Variants in PLEKHM1 observed in about 807,000 individuals in gnomAD.
PLEKHM1 encodes pleckstrin homology domain-containing family M member 1.
Under a neutral mutation model 94.3 loss-of-function variants are expected in PLEKHM1, and 28 were observed. That is an observed-to-expected ratio of 0.30 (90% CI 0.22 to 0.41). PLEKHM1 has a LOEUF of 0.41. Ranked by LOEUF, PLEKHM1 falls within the 10% of genes least tolerant of loss-of-function variation. The pLI is 1.00. For missense variants in PLEKHM1, 907 were observed against 1,358.6 expected, an observed-to-expected ratio of 0.67 and a Z score of 5.22; for synonymous variants, 424 against 581.2, an observed-to-expected ratio of 0.73 and a Z score of 3.89.
chr17:45,484,088 G>A (rs1384381861), intron 1 of PLEKHM1, among the ~76,000 whole-genome samples: 2 of 152,236 alleles, frequency 1.3e-5, no homozygotes, highest in East Asian at 1.9e-4. Context: ...AAGACTGACA[G>A]AACAGACTCT....
In PLEKHM1 at chr17:45,440,196, A is replaced by C; in HGVS notation, c.2868T>G (p.Ser956=). ...RLNHRNYLLE[S]PHRFSVADLQ... is the part of the protein sequence containing the mutation. Reference sequence around the variant, plus strand: ...GGTCAGCAACACTGAACCTATGCGGAGATTCCAAGAGATAATTCCTGTGGT... The same window carrying C: ...GGTCAGCAACACTGAACCTATGCGGCGATTCCAAGAGATAATTCCTGTGGT... The change falls in exon 10 of 12, where the codon TCT becomes TCG. Residue 956 remains serine, a synonymous_variant. Transcript: ENST00000430334. The C allele has an allele frequency of 6.2e-7, 1 of 1,614,206 alleles. No individual in the cohort carries two copies. The highest frequency in any genetic ancestry group is 1.1e-5 in the South Asian group (1 of 91,092).
At chr17:45,472,243 C>A (rs1314039106) in intron 4 of PLEKHM1, among the ~76,000 whole-genome samples, 3 of 149,962 alleles carry the variant, frequency 2.0e-5, no homozygotes, top group Non-Finnish European at 4.4e-5. Context: ...AACTTCAAGG[C>A]CCAGCTCTAT....
At chr17:45,456,091 C>T (rs956693969) in intron 6 of PLEKHM1, among the ~76,000 whole-genome samples, 3 of 152,174 alleles carry the variant, frequency 2.0e-5, no homozygotes, top group Non-Finnish European at 4.4e-5. Flanking sequence ...TCCCTCTCTC[C>T]CCTTGCATCT....
intron 8 of PLEKHM1, among the ~76,000 whole-genome samples, chr17:45,446,431 T>G (rs2050609189): frequency 6.6e-6 from 1 of 152,196 alleles, no homozygotes; most frequent in Non-Finnish European, 1.5e-5. Flanking sequence ...ACAACCTGCC[T>G]GCAGAACCTG....
At position 45,436,608 on chromosome 17, in the gene PLEKHM1, C is replaced by T; in HGVS notation, c.*1250G>A. The T allele has an allele frequency of 2.2e-6, 1 of 453,938 alleles. No homozygotes were observed. The highest frequency in any genetic ancestry group is 4.4e-6 in the Non-Finnish European group (1 of 226,598). 28.1% of individuals were successfully genotyped at this position (453,938 alleles called of 1,614,324 possible). A position where few individuals can be genotyped will look rare whatever the true frequency, so the allele number is the denominator to read the frequency against. On this transcript the variant is annotated 3_prime_UTR_variant, in exon 12 of 12. Coordinates refer to ENST00000430334, the MANE Select transcript of PLEKHM1 (RefSeq NM_014798.3). ...AAGGCGACAGAGAGACCAGCAAACC[C>T]ACATTTCCCCGAAGCCTGGAGGGTC...
At position 45,453,857 on chromosome 17, in the gene PLEKHM1, C is replaced by G. The variant is rs374996512; in HGVS notation, c.1995G>C (p.Ala665=). 3.1e-6 allele frequency: 5 copies of G among 1,613,830 alleles called. No homozygotes were observed. Among genetic ancestry groups the G allele is most frequent in the East Asian group, 2.2e-5 (1 of 44,894 alleles). ...LSPSDLLSEP[A]ALQGTQFDWS... is the part of the protein sequence containing the mutation. ...AGTCAAACTGTGTGCCCTGGAGGGCCGCGGGCTCCGAGAGCAGGTCTGAGG... is the reference window on the plus strand; with the variant it reads ...AGTCAAACTGTGTGCCCTGGAGGGCGGCGGGCTCCGAGAGCAGGTCTGAGG... The change falls in exon 7 of 12, where the codon GCG becomes GCC. Residue 665 remains alanine, a synonymous_variant. Coordinates refer to ENST00000430334, the MANE Select transcript of PLEKHM1 (RefSeq NM_014798.3). The surrounding 1 kb of genome is among the most constrained non-coding windows in gnomAD (Gnocchi z 4.1).
At chr17:45,480,216 C>G (rs1349997487) in intron 2 of PLEKHM1, among the ~76,000 whole-genome samples, 1 of 152,240 alleles carries the variant, frequency 6.6e-6, no homozygotes, top group South Asian at 2.1e-4. Context: ...GGCACAGTGG[C>G]TCACGCCTAT....
intron 4 of PLEKHM1, among the ~76,000 whole-genome samples, chr17:45,473,518 T>C (rs970441191): frequency 1.2e-4 from 18 of 151,884 alleles, no homozygotes; most frequent in African/African-American, 3.6e-4. Context: ...ACTGCCTTTG[T>C]AGGAGAGAAA....
In PLEKHM1 at chr17:45,454,108, A is replaced by G; in HGVS notation, c.1744T>C (p.Cys582Arg). ...CTATGGGCTGGCCCCACAGACTCAC[A>G]GCGAAGCAGCGAGCAGTTCTCCACA... ...TCVENCSLLRCESVGPAHSDG... is the reference protein window; with the variant it reads ...TCVENCSLLRRESVGPAHSDG... Residue 582 changes from cysteine (C) to arginine (R), a missense_variant, in exon 7 of 12, where the codon TGT becomes CGT. Transcript: ENST00000430334. 1.2e-6 allele frequency: 2 copies of G among 1,614,204 alleles called. No homozygotes were observed. The highest frequency in any genetic ancestry group is 1.7e-6 in the Non-Finnish European group (2 of 1,180,046).
Position 45,453,967 on chromosome 17 carries a change from G to C in PLEKHM1, c.1885C>G (p.Pro629Ala), listed in dbSNP as rs753073455. The C allele has an allele frequency of 6.2e-7, 1 of 1,613,930 alleles. No individual in the cohort carries two copies. The highest frequency in any genetic ancestry group is 1.7e-5 in the Admixed American group (1 of 60,016). Residue 629 changes from proline (P) to alanine (A), a missense_variant, in exon 7 of 12, where the codon CCT becomes GCT. By Grantham distance (27) the Pro-to-Ala change is conservative (BLOSUM62 -1). Transcript: ENST00000430334. The surrounding 1 kb of genome is among the most constrained non-coding windows in gnomAD (Gnocchi z 4.1). Reference protein sequence around the residue: ...RVREALQKVRPQQEDEWVNVQ... With the variant: ...RVREALQKVRAQQEDEWVNVQ... ...TTCACCCACTCATCCTCCTGCTGAGGCCGGACCTTCTGCAGGGCCTCCCGC... is the reference window on the plus strand; with the variant it reads ...TTCACCCACTCATCCTCCTGCTGAGCCCGGACCTTCTGCAGGGCCTCCCGC...
intron 3 of PLEKHM1, 90 bp downstream of exon 3, chr17:45,477,810 T>C: frequency 1.3e-6 from 2 of 1,506,546 alleles, no homozygotes; most frequent in Non-Finnish European, 1.8e-6. Context: ...GGCACCTCTG[T>C]TGGCTTCCTG....
downstream of PLEKHM1, among the ~76,000 whole-genome samples, chr17:45,434,645 A>G (rs1377910609): frequency 6.6e-6 from 1 of 152,176 alleles, no homozygotes; most frequent in Non-Finnish European, 1.5e-5. Context: ...GGGTTTCACC[A>G]TGTTGGCCAG....
At chr17:45,485,163 C>T (rs2052071205) in intron 1 of PLEKHM1, among the ~76,000 whole-genome samples, 1 of 152,194 alleles carries the variant, frequency 6.6e-6, no homozygotes. Flanking sequence ...CCTCTGGAGA[C>T]CAGTTCCACA....
intron 6 of PLEKHM1, among the ~76,000 whole-genome samples, chr17:45,457,822 C>G (rs1374951103): frequency 1.3e-5 from 2 of 152,136 alleles, no homozygotes; most frequent in African/African-American, 2.4e-5. Context: ...TTGGAAGGAC[C>G]ATTTAAAACA....
At chr17:45,458,624 C>T (rs2051051215) in intron 5 of PLEKHM1, among the ~76,000 whole-genome samples, 185 bp from the exon 6 acceptor site, 1 of 152,102 alleles carries the variant, frequency 6.6e-6, no homozygotes, top group South Asian at 2.1e-4. Context: ...GCGCCCACCA[C>T]CATGCCCAGC....
intron 5 of PLEKHM1, among the ~76,000 whole-genome samples, chr17:45,464,471 A>G (rs1334003073): frequency 6.6e-6 from 1 of 152,208 alleles, no homozygotes; most frequent in Non-Finnish European, 1.5e-5. Context: ...AGAAGTACAG[A>G]AAGATGAGGA....
At chr17:45,479,266 C>T (rs900592959) in intron 2 of PLEKHM1, among the ~76,000 whole-genome samples, 9 of 151,734 alleles carry the variant, frequency 5.9e-5, no homozygotes, top group Non-Finnish European at 1.0e-4. Context: ...ACGCCTGTAA[C>T]CCCAGCACTT....
rs2051760490 is a variant in PLEKHM1 at position 45,476,941 on chromosome 17, G to A, written c.296+959C>T. 3.9e-5 allele frequency: 6 copies of A among 152,224 alleles called. No individual in the cohort carries two copies. In the South Asian group the frequency reaches 1.2e-3, roughly 32 times the overall value. The allele number at this position is 152,224 out of a possible 1,614,324, so 9.4% of individuals were successfully genotyped here. On this transcript the variant is annotated intron_variant, in intron 3 of 11. Coordinates refer to ENST00000430334, the MANE Select transcript of PLEKHM1 (RefSeq NM_014798.3). ...TCAAGGAAAGACAGAGTGAGATAAG[G>A]GGGACAAATAGAAAGCCAGTGTCAC...
intron 4 of PLEKHM1, among the ~76,000 whole-genome samples, chr17:45,468,966 A>G (rs1286945843): frequency 1.3e-5 from 2 of 151,292 alleles, no homozygotes; most frequent in Non-Finnish European, 3.0e-5. Flanking sequence ...GTTTCCCCAA[A>G]CATGGTATGC....
Sources: allele counts gnomAD v4.1 joint callset (sites outside exome capture counted in the v4.1 genomes callset), GRCh38; gene constraint gnomAD v4.1.1; non-coding constraint Gnocchi (gnomAD v3.1); transcripts MANE v1.5; gene names NCBI Gene and HGNC (gene_info 2026-07-23, HGNC 2026-07-21).